The following LGR6 variants were observed in gnomAD, a reference collection of about 807,000 sequenced individuals.
LGR6 encodes leucine-rich repeat-containing G protein-coupled receptor 6.
LGR6 carries 45 observed loss-of-function variants against 69.4 expected under a neutral mutation model. That is an observed-to-expected ratio of 0.65 (90% confidence interval 0.51 to 0.83). The LOEUF is 0.83. Ranked by LOEUF, LGR6 falls within the 40% of genes least tolerant of loss-of-function variation. The pLI, the probability that LGR6 is intolerant of heterozygous loss-of-function variation, is 0.00. For missense variants in LGR6, 1,108 were observed against 1,246.7 expected (o/e 0.89, Z 1.68); for synonymous variants, 538 against 555.0 (o/e 0.97, Z 0.43).
intron 3 of LGR6, among the ~76,000 whole-genome samples, chr1:202,234,613 A>AT (rs1387894971): frequency 6.6e-6 from 1 of 152,198 alleles, no homozygotes; most frequent in Non-Finnish European, 1.5e-5. Context: ...CTCTAGGTTC[A>AT]AAGCCTAGCT....
intron 4 of LGR6, among the ~76,000 whole-genome samples, chr1:202,241,048 G>A (rs1424863673): frequency 6.6e-6 from 1 of 152,214 alleles, no homozygotes; most frequent in East Asian, 1.9e-4. Context: ...GCTGGTGAGT[G>A]GGCATGGCAG....
intron 6 of LGR6, among the ~76,000 whole-genome samples, chr1:202,293,164 G>C (rs752659252): frequency 2.6e-5 from 4 of 152,194 alleles, no homozygotes; most frequent in South Asian, 4.1e-4. Context: ...AGGGACAGCA[G>C]ATAAGAAGTG....
chr1:202,303,486 C>T (rs1667756819), intron 10 of LGR6, 139 bp downstream of exon 10: 1 of 680,908 alleles, frequency 1.5e-6, no homozygotes, highest in East Asian at 2.7e-5. Flanking sequence ...GGCTCCATCC[C>T]CTTCCTCCTG....
At chr1:202,239,491 TTC>T (rs1661982663) in intron 4 of LGR6, among the ~76,000 whole-genome samples, 1 of 152,050 alleles carries the variant, frequency 6.6e-6, no homozygotes, top group South Asian at 2.1e-4. Flanking sequence ...TTGGACTTTA[TTC>T]TTAAGACAGC....
chr1:202,255,790 C>T (rs1663720705), intron 4 of LGR6, among the ~76,000 whole-genome samples: 1 of 152,162 alleles, frequency 6.6e-6, no homozygotes, highest in Admixed American at 6.5e-5. Context: ...TACATTAAAT[C>T]TTTACATATT....
At chr1:202,277,916 C>T (rs1665710825) in intron 5 of LGR6, among the ~76,000 whole-genome samples, 1 of 151,670 alleles carries the variant, frequency 6.6e-6, no homozygotes, top group Non-Finnish European at 1.5e-5. Flanking sequence ...ACATTCCAAG[C>T]AGATAGCAAT....
At chr1:202,209,979 G>A (rs185372935) in intron 1 of LGR6, among the ~76,000 whole-genome samples, 3 of 152,318 alleles carry the variant, frequency 2.0e-5, no homozygotes, top group East Asian at 3.9e-4. Context: ...ATAAGAAACA[G>A]CCCTATGGAC....
intron 6 of LGR6, among the ~76,000 whole-genome samples, chr1:202,283,678 G>C (rs140436200): frequency 1.3e-5 from 2 of 152,192 alleles, no homozygotes; most frequent in African/African-American, 4.8e-5. Context: ...ATGCACACAC[G>C]TGGTCACACA....
intron 4 of LGR6, among the ~76,000 whole-genome samples, chr1:202,273,539 C>T (rs1403242933): frequency 6.6e-6 from 1 of 150,916 alleles, no homozygotes; most frequent in Non-Finnish European, 1.5e-5. Context: ...CTCACCACAC[C>T]CTCCGCCTCC....
At chr1:202,305,613 G>T in intron 11 of LGR6, 71 bp from the exon 12 acceptor site, 1 of 1,333,852 alleles carries the variant, frequency 7.5e-7, no homozygotes, top group Admixed American at 1.7e-5. Context: ...CCTGGCTAGA[G>T]CCCCCCGTCC....
chr1:202,285,861 A>G (rs1176270227), intron 6 of LGR6, among the ~76,000 whole-genome samples: 1 of 152,224 alleles, frequency 6.6e-6, no homozygotes, highest in African/African-American at 2.4e-5. Flanking sequence ...CAGAAGTCCA[A>G]AATCAAGGTG....
chr1:202,317,955 C>A lies in LGR6; in HGVS notation c.1652C>A (p.Pro551His), dbSNP rs756414761. The stretch of plus-strand genomic sequence containing the variant: ...TAATGTCTGATCTCTCCTACAGGCC[C>A]CTTCAAGCCCTGTGAGTACCTCTTT... ...PSVQCSPTPG[P>H]FKPCEYLFES... The change falls in exon 18 of 18, where the codon CCC becomes CAC. Residue 551 changes from proline to histidine, a missense_variant. Transcript: ENST00000367278. 1.9e-6 allele frequency: 3 copies of A among 1,606,510 alleles called. No homozygotes were observed. Among genetic ancestry groups the A allele is most frequent in the Non-Finnish European group, 2.6e-6 (3 of 1,175,852 alleles).
At chr1:202,221,096 T>C (rs2147940309) in intron 1 of LGR6, among the ~76,000 whole-genome samples, 1 of 151,976 alleles carries the variant, frequency 6.6e-6, no homozygotes, top group South Asian at 2.1e-4. Flanking sequence ...CCTCCAGTCT[T>C]TTCTCCAGCG....
In LGR6 at chr1:202,318,158, G is replaced by A; in HGVS notation, c.1855G>A (p.Ala619Thr). The A allele has an allele frequency of 6.2e-7, 1 of 1,613,918 alleles. No homozygotes were observed. The highest frequency in any genetic ancestry group is 8.5e-7 in the Non-Finnish European group (1 of 1,180,022). ...GACTGGCATTTCCTGTGGCCTTCTA[G>A]CCTCAGTCGATGCCCTGACCTTTGG... Reference protein sequence around the residue: ...TLTGISCGLLASVDALTFGQF... With the variant: ...TLTGISCGLLTSVDALTFGQF... Residue 619 changes from alanine (A) to threonine (T), a missense_variant, in exon 18 of 18, where the codon GCC becomes ACC. Physicochemically the swap from Ala to Thr is moderately conservative, Grantham distance 58. Coordinates refer to ENST00000367278, the MANE Select transcript of LGR6 (RefSeq NM_001017403.2).
At chr1:202,295,112 G>A (rs2148234554) in intron 6 of LGR6, among the ~76,000 whole-genome samples, 1 of 152,268 alleles carries the variant, frequency 6.6e-6, no homozygotes, top group African/African-American at 2.4e-5. Flanking sequence ...CAGATCACCT[G>A]AGGTCAGGAG....
At chr1:202,263,682 G>A (rs1412980466) in intron 4 of LGR6, among the ~76,000 whole-genome samples, 2 of 152,170 alleles carry the variant, frequency 1.3e-5, no homozygotes, top group Non-Finnish European at 1.5e-5. Context: ...TGTGAGGTTA[G>A]GTCAGAAGGC....
intron 11 of LGR6, 125 bp from the exon 12 acceptor site, chr1:202,305,559 G>T: frequency 1.3e-6 from 1 of 765,906 alleles, no homozygotes; most frequent in Non-Finnish European, 2.3e-6. Context: ...CCATGTCCCT[G>T]TGGGGTCCCC....
In LGR6 at chr1:202,193,957, GCCGCCAGGTGCCCCAGTAGCCCGA is replaced by G. The variant is rs1658532452; in HGVS notation, c.-27_-4del. On this transcript the variant is annotated 5_prime_UTR_variant, in exon 1 of 18. Transcript: ENST00000367278. ...CCATCGCGCCGTGCGTCCGCGCCCG[GCCGCCAGGTGCCCCAGTAGCCCGA>G]CCGCCGAGATGCCCAGCCCGCCGGG... is the stretch of plus-strand genomic sequence containing the variant. 7.8e-7 allele frequency: 1 copy of G among 1,283,396 alleles called. No individual in the cohort carries two copies. The highest frequency in any genetic ancestry group is 4.0e-5 in the Admixed American group (1 of 25,046). 79.5% of individuals were successfully genotyped at this position (1,283,396 alleles called of 1,614,324 possible). A position where few individuals can be genotyped will look rare whatever the true frequency, so the allele number is the denominator to read the frequency against.
chr1:202,206,442 G>A (rs1403651722), intron 1 of LGR6, among the ~76,000 whole-genome samples: 2 of 152,202 alleles, frequency 1.3e-5, no homozygotes, highest in African/African-American at 2.4e-5. Flanking sequence ...TGACTGGGTG[G>A]CCAGGATCCC....
Sources: gnomAD v4.1 joint callset for allele counts (sites outside exome capture counted in the v4.1 genomes callset) on GRCh38, gnomAD v4.1.1 for gene constraint, MANE v1.5 for transcripts, NCBI Gene and HGNC (gene_info 2026-07-23, HGNC 2026-07-21) for gene names.